TUSC3: variants seen among roughly 807,000 people sequenced by gnomAD.
TUSC3 encodes dolichyl-diphosphooligosaccharide--protein glycosyltransferase subunit TUSC3.
In TUSC3, 45 loss-of-function variants were observed where a neutral mutation model predicts 44.8. The ratio of observed to expected loss-of-function variants is 1.00; its 90% CI spans 0.79 to 1.29. TUSC3 has a LOEUF of 1.29. Ranked by LOEUF, TUSC3 falls within the 50% of genes most tolerant of loss-of-function variation. The pLI, the probability that TUSC3 is intolerant of heterozygous loss-of-function variation, is 0.00. For synonymous variants in TUSC3, 212 were observed against 152.9 expected (o/e 1.39, Z -2.85); for missense variants, 519 against 437.9 (o/e 1.19, Z -1.65).
chr8:15,444,546 C>G (rs1030975833), intron 1 of TUSC3, among the ~76,000 whole-genome samples: 2 of 152,126 alleles, frequency 1.3e-5, no homozygotes, highest in African/African-American at 4.8e-5. Context: ...CGAACCTGAT[C>G]AGATAGGGAG....
chr8:15,453,219 C>A lies in TUSC3; in HGVS notation n.92-30167C>A, dbSNP rs1585051250. ...TGAAGAATGTCTGTCCATATGACTTCACATTAGCGTGGTAATGATTATTAC... is the reference window on the plus strand; with the variant it reads ...TGAAGAATGTCTGTCCATATGACTTAACATTAGCGTGGTAATGATTATTAC... On this transcript the variant is annotated intron_variant and non_coding_transcript_variant, in intron 1 of 5. Coordinates refer to the TUSC3 transcript ENST00000503191. Among the ~76,000 whole-genome samples, 4 of 150,996 alleles carry A rather than the reference C, an allele frequency of 2.6e-5. 1 individual carries two copies. In the Admixed American group the frequency reaches 2.7e-4, roughly 10 times the overall value.
chr8:15,622,133 G>T lies in TUSC3; in HGVS notation c.139-947G>T, dbSNP rs114459189. Among the ~76,000 whole-genome samples, 891 of 152,060 alleles carry T rather than the reference G, an allele frequency of 5.9e-3. 9 individuals are homozygous for T. The highest frequency in any genetic ancestry group is 0.02 in the African/African-American group (828 of 41,476). On this transcript the variant is annotated intron_variant, in intron 1 of 10. Coordinates refer to ENST00000503731, the MANE Select transcript of TUSC3 (RefSeq NM_006765.4). ...TTCTAGAGTAGAGCTTGGTTAAATG[G>T]CACATTTCAAGCCTCCCTCTCCTGA...
rs959497413 is a variant in TUSC3 at position 15,718,575 on chromosome 8, G to T, written c.799-12091G>T. The stretch of plus-strand genomic sequence containing the variant: ...ATGTAAAAGAGCTGTTGAATTTAAC[G>T]ATACACATCTTCTAAAGGAGAGAAA... On this transcript the variant is annotated intron_variant, in intron 6 of 10. Transcript: ENST00000503731. Among the ~76,000 whole-genome samples, 3 of 152,166 alleles carry T rather than the reference G, an allele frequency of 2.0e-5. No homozygotes were observed. The East Asian group carries it at 5.8e-4, about 29-fold the overall frequency.
At chr8:15,445,390 CA>C (rs1800082404) in intron 1 of TUSC3, among the ~76,000 whole-genome samples, 1 of 151,376 alleles carries the variant, frequency 6.6e-6, no homozygotes, top group Non-Finnish European at 1.5e-5. Flanking sequence ...GGTCATAGGA[CA>C]ATAGTGGTGG....
chr8:15,428,336 A>G (rs1483885097), intron 1 of TUSC3, among the ~76,000 whole-genome samples: 2 of 151,886 alleles, frequency 1.3e-5, no homozygotes, highest in South Asian at 2.1e-4. Flanking sequence ...TCCATGGTGC[A>G]TATGTGCCAC....
chr8:15,644,035 C>T lies in TUSC3; in HGVS notation c.309-6662C>T, dbSNP rs188218134. On this transcript the variant is annotated intron_variant, in intron 2 of 10. Coordinates refer to ENST00000503731, the MANE Select transcript of TUSC3 (RefSeq NM_006765.4). ...ATTAACATTAAAAAGAGAAGCTATA[C>T]TTCTTAAAACATCTCTTTAAAAATT... Among the ~76,000 whole-genome samples, 394 of 152,046 alleles carry T rather than the reference C, an allele frequency of 2.6e-3. 1 individual carries two copies. The highest frequency in any genetic ancestry group is 8.4e-3 in the African/African-American group (347 of 41,532).
the TUSC3 span, among the ~76,000 whole-genome samples, chr8:15,775,761 TA>T: frequency 6.8e-6 from 1 of 146,658 alleles, no homozygotes; most frequent in African/African-American, 2.5e-5. Flanking sequence ...TATATATATA[TA>T]TATATATATA....
At position 15,764,354 on chromosome 8, in the gene TUSC3, T is replaced by C; in HGVS notation, c.*198T>C. The C allele has an allele frequency of 1.1e-6, 1 of 873,568 alleles. No individual in the cohort carries two copies. Among genetic ancestry groups the C allele is most frequent in the Non-Finnish European group, 1.8e-6 (1 of 566,948 alleles). 54.1% of individuals were successfully genotyped at this position (873,568 alleles called of 1,614,324 possible). A position where few individuals can be genotyped will look rare whatever the true frequency, so the allele number is the denominator to read the frequency against. Reference sequence around the variant, plus strand: ...TGTACTTTTTTTAAACTGTGGGTTTTCCTAGTAAATTTAATTTACAGAAAT... The same window carrying C: ...TGTACTTTTTTTAAACTGTGGGTTTCCCTAGTAAATTTAATTTACAGAAAT... On this transcript the variant is annotated 3_prime_UTR_variant, in exon 11 of 11. Transcript: ENST00000503731.
intron 6 of TUSC3, among the ~76,000 whole-genome samples, chr8:15,711,605 A>G (rs915594078): frequency 1.3e-5 from 2 of 151,450 alleles, no homozygotes; most frequent in Non-Finnish European, 3.0e-5. Flanking sequence ...GTGATAGTTT[A>G]GCATCATCTT....
At position 15,618,463 on chromosome 8, in the gene TUSC3, A is replaced by T. The variant is rs972413256; in HGVS notation, c.139-4617A>T. Among the ~76,000 whole-genome samples the T allele has an allele frequency of 2.0e-5, 3 of 152,238 alleles. No individual in the cohort carries two copies. The South Asian group carries it at 6.2e-4, about 32-fold the overall frequency. On this transcript the variant is annotated intron_variant, in intron 1 of 10. Coordinates refer to ENST00000503731, the MANE Select transcript of TUSC3 (RefSeq NM_006765.4). ...TTGTTGAAAACTAAGACACACATACATTAGCCTAGGCCTGCACATGGTCAG... is the reference window on the plus strand; with the variant it reads ...TTGTTGAAAACTAAGACACACATACTTTAGCCTAGGCCTGCACATGGTCAG...
At chr8:15,518,054 A>T (rs1360908624) in intron 2 of TUSC3, among the ~76,000 whole-genome samples, 1 of 151,928 alleles carries the variant, frequency 6.6e-6, no homozygotes, top group Non-Finnish European at 1.5e-5. Flanking sequence ...GCCTCCGGTA[A>T]CCAACTATTC....
intron 3 of TUSC3, among the ~76,000 whole-genome samples, chr8:15,652,237 G>T (rs1223215135): frequency 2.0e-5 from 3 of 152,196 alleles, no homozygotes; most frequent in Non-Finnish European, 2.9e-5. Flanking sequence ...ATGCTTACCA[G>T]GTCATGGAAA....
At chr8:15,550,797 G>A (rs1315748971) in intron 1 of TUSC3, among the ~76,000 whole-genome samples, 2 of 151,364 alleles carry the variant, frequency 1.3e-5, no homozygotes, top group African/African-American at 4.8e-5. Context: ...TCAGCCTCCC[G>A]AGTAGCTGGG....
chr8:15,493,006 G>C (rs987702789), intron 2 of TUSC3, among the ~76,000 whole-genome samples: 2 of 151,848 alleles, frequency 1.3e-5, no homozygotes. Flanking sequence ...TAAATACATA[G>C]ACAAAACTGA....
chr8:15,758,091 A>G, intron 10 of TUSC3: 1 of 1,294,616 alleles, frequency 7.7e-7, no homozygotes, highest in Non-Finnish European at 9.8e-7. Context: ...ATCATTTGAC[A>G]GATGCAATGC....
chr8:15,566,285 A>C (rs1255786046), intron 1 of TUSC3, among the ~76,000 whole-genome samples: 1 of 152,102 alleles, frequency 6.6e-6, no homozygotes, highest in East Asian at 1.9e-4. Flanking sequence ...CAGCAGTTTT[A>C]TTGTCAGTGT....
intron 1 of TUSC3, among the ~76,000 whole-genome samples, chr8:15,478,000 C>T (rs1205460536): frequency 2.0e-5 from 3 of 152,030 alleles, no homozygotes; most frequent in Non-Finnish European, 1.5e-5. Flanking sequence ...TTCTGTTGCC[C>T]AGGCTAGAGT....
rs201790322 is a variant in TUSC3, at chr8:15,558,792, A to T, written c.138+18224A>T. Among the ~76,000 whole-genome samples, 20 of 134,706 alleles carry T rather than the reference A, an allele frequency of 1.5e-4. No homozygotes were observed. The Admixed American group carries it at 1.5e-3, about 10-fold the overall frequency. The allele number at this position is 134,706 out of a possible 152,430, so 88.4% of individuals were successfully genotyped here. On this transcript the variant is annotated intron_variant, in intron 1 of 10. Coordinates refer to ENST00000503731, the MANE Select transcript of TUSC3 (RefSeq NM_006765.4). Reference sequence around the variant, plus strand: ...CTTCTAGATTTTCTAGTTTATTTGCATAGAGGTGTTTGTAGTATTCTCTGA... The same window carrying T: ...CTTCTAGATTTTCTAGTTTATTTGCTTAGAGGTGTTTGTAGTATTCTCTGA...
the TUSC3 span, among the ~76,000 whole-genome samples, chr8:15,838,322 G>C: frequency 6.6e-6 from 1 of 152,150 alleles, no homozygotes. Context: ...CCAGTGCTTG[G>C]AAACCATCCC....
Sources: allele counts gnomAD v4.1 joint callset (sites outside exome capture counted in the v4.1 genomes callset), GRCh38; gene constraint gnomAD v4.1.1; transcripts MANE v1.5; gene names NCBI Gene and HGNC (gene_info 2026-07-23, HGNC 2026-07-21).